Variants in GRIA3 observed in about 807,000 individuals in gnomAD.
GRIA3 encodes glutamate ionotropic receptor AMPA type subunit 3.
Under a neutral mutation model 63.0 loss-of-function variants are expected in GRIA3, and 3 were observed. That is an observed-to-expected ratio of 0.05 (90% CI 0.02 to 0.12). The LOEUF (loss-of-function observed/expected upper bound fraction) is 0.12, where lower values mean the gene tolerates loss of function less well. GRIA3 is among the 10% of genes least tolerant of loss of function. The pLI is 1.00. For synonymous variants in GRIA3, 274 were observed against 257.9 expected (o/e 1.06, Z -0.60); for missense variants, 347 against 700.9 (o/e 0.50, Z 5.70).
intron 2 of GRIA3, among the ~76,000 whole-genome samples, chrX:123,213,019 G>A (rs765152775): frequency 9.0e-6 from 1 of 111,436 alleles, no homozygotes; most frequent in Non-Finnish European, 1.9e-5. Flanking sequence ...TCAGATCAGT[G>A]GTGCCATTAG....
intron 9 of GRIA3, among the ~76,000 whole-genome samples, chrX:123,403,762 C>T (rs1341577887): frequency 6.3e-5 from 7 of 111,263 alleles, no homozygotes; most frequent in Admixed American, 4.8e-4. Context: ...TCTTTCTCCC[C>T]GCCTCCATGC....
chrX:123,391,778 G>C (rs1328987631), intron 5 of GRIA3, among the ~76,000 whole-genome samples: 1 of 112,306 alleles, frequency 8.9e-6, no homozygotes, highest in African/African-American at 3.2e-5. Context: ...TTGTCCTGGT[G>C]ATGATGGTGG....
chrX:123,223,738 A>C (rs1603034102), intron 2 of GRIA3, among the ~76,000 whole-genome samples: 1 of 111,755 alleles, frequency 8.9e-6, no homozygotes, highest in African/African-American at 3.3e-5. Context: ...GGAAGGGAGC[A>C]CAGGGCAGGA....
chrX:123,410,223 G>C (rs2045497727), intron 10 of GRIA3, among the ~76,000 whole-genome samples: 1 of 111,428 alleles, frequency 9.0e-6, no homozygotes, highest in Non-Finnish European at 1.9e-5. Flanking sequence ...AAGAGAGTCA[G>C]GAGAAAGGCT....
At chrX:123,297,604 C>T (rs907938172) in intron 3 of GRIA3, among the ~76,000 whole-genome samples, 11 of 111,980 alleles carry the variant, frequency 9.8e-5, no homozygotes, top group Non-Finnish European at 1.5e-4. Flanking sequence ...TTAATCCTCA[C>T]ATTAATTCGA....
intron 12 of GRIA3, among the ~76,000 whole-genome samples, chrX:123,442,579 A>G (rs994602959): frequency 9.0e-6 from 1 of 111,590 alleles, no homozygotes. Flanking sequence ...CTTATCAGAG[A>G]TGTTGAATAG....
intron 12 of GRIA3, among the ~76,000 whole-genome samples, chrX:123,454,871 A>G (rs1029879300): frequency 8.9e-6 from 1 of 112,067 alleles, no homozygotes; most frequent in African/African-American, 3.2e-5. Flanking sequence ...CAGCAAGAGA[A>G]GCAGAAGATT....
intron 2 of GRIA3, among the ~76,000 whole-genome samples, chrX:123,197,569 A>G (rs1357893901): frequency 1.8e-5 from 2 of 112,423 alleles, no homozygotes; most frequent in Non-Finnish European, 3.8e-5. Flanking sequence ...ACATTCTGTC[A>G]TTAACTCTTG....
In GRIA3 at chrX:123,482,128, A is replaced by C. The variant is rs1312228777; in HGVS notation, c.2440-671A>C. Among the ~76,000 whole-genome samples, 7 of 112,151 alleles carry C rather than the reference A, an allele frequency of 6.2e-5. No individual in the cohort carries two copies. The South Asian group carries it at 2.6e-3, about 42-fold the overall frequency. On this transcript the variant is annotated intron_variant, in intron 14 of 15. Coordinates refer to ENST00000620443, the MANE Select transcript of GRIA3 (RefSeq NM_007325.5). ...GTGCCCTTGTTCCAGCAACACAAAGACTTGCTGCCCTGATTTTAACTAGGA... is the reference window on the plus strand; with the variant it reads ...GTGCCCTTGTTCCAGCAACACAAAGCCTTGCTGCCCTGATTTTAACTAGGA...
At chrX:123,454,178 C>G (rs2045749538) in intron 12 of GRIA3, among the ~76,000 whole-genome samples, 1 of 110,472 alleles carries the variant, frequency 9.1e-6, no homozygotes, top group Admixed American at 9.6e-5. Context: ...CATCCCAACC[C>G]TACCACATGG....
At chrX:123,339,826 G>A (rs189922876) in intron 4 of GRIA3, among the ~76,000 whole-genome samples, 33 of 112,355 alleles carry the variant, frequency 2.9e-4, no homozygotes, top group African/African-American at 8.7e-4. Context: ...ATAAGAATAC[G>A]GGTTATACTG....
At chrX:123,380,490 T>C (rs922653025) in intron 5 of GRIA3, among the ~76,000 whole-genome samples, 7 of 111,474 alleles carry the variant, frequency 6.3e-5, no homozygotes, top group Admixed American at 5.7e-4. Context: ...TTTGATGGGG[T>C]TGTTGGTTTT....
chrX:123,251,024 A>C (rs1464350514), intron 2 of GRIA3, among the ~76,000 whole-genome samples: 1 of 111,865 alleles, frequency 8.9e-6, no homozygotes, highest in East Asian at 2.8e-4. Flanking sequence ...AATAGCTAGA[A>C]CAGTTTTTTT....
chrX:123,374,194 T>G (rs1267664291), intron 5 of GRIA3, among the ~76,000 whole-genome samples: 1 of 111,632 alleles, frequency 9.0e-6, no homozygotes, highest in Non-Finnish European at 1.9e-5. Flanking sequence ...CTGAGGCCTC[T>G]GTTCTGTTCC....
intron 2 of GRIA3, among the ~76,000 whole-genome samples, chrX:123,248,152 A>G (rs1032020644): frequency 3.6e-5 from 4 of 112,630 alleles, no homozygotes; most frequent in Admixed American, 2.8e-4. Flanking sequence ...CAATGCTGAA[A>G]CAGTTATTGT....
intron 8 of GRIA3, 99 bp from the exon 9 acceptor site, chrX:123,403,313 G>A: frequency 1.5e-6 from 1 of 660,985 alleles, no homozygotes; most frequent in Non-Finnish European, 2.5e-6. Flanking sequence ...AATCCTTATA[G>A]AGCTCAAGAA....
At chrX:123,374,256 T>C (rs970468364) in intron 5 of GRIA3, among the ~76,000 whole-genome samples, 15 of 112,020 alleles carry the variant, frequency 1.3e-4, no homozygotes, top group Non-Finnish European at 2.8e-4. Context: ...TTGGTTACTG[T>C]AGCCTTGTAG....
intron 12 of GRIA3, among the ~76,000 whole-genome samples, chrX:123,457,486 C>G (rs1009555794): frequency 1.8e-5 from 2 of 111,486 alleles, no homozygotes; most frequent in African/African-American, 6.5e-5. Flanking sequence ...ATGGTGGCAA[C>G]AGTGTTCAAA....
In GRIA3 at chrX:123,253,459, G is replaced by T. The variant is rs763033824; in HGVS notation, c.425G>T (p.Arg142Leu). The change falls in exon 3 of 16, where the codon CGC becomes CTC. Residue 142 changes from arginine to leucine, a missense_variant. Coordinates refer to ENST00000620443, the MANE Select transcript of GRIA3 (RefSeq NM_007325.5). ...DADVQFVIQM[R>L]PALKGAILSL... ...GATGTGCAGTTTGTCATCCAGATGC[G>T]CCCAGCCTTGAAGGGCGCTATTCTG... 3 of 1,209,260 alleles carry T rather than the reference G, an allele frequency of 2.5e-6. No individual in the cohort carries two copies. Among genetic ancestry groups the T allele is most frequent in the Non-Finnish European group, 3.4e-6 (3 of 893,659 alleles).
Sources: gnomAD v4.1 joint callset for allele counts (sites outside exome capture counted in the v4.1 genomes callset) on GRCh38, gnomAD v4.1.1 for gene constraint, MANE v1.5 for transcripts, NCBI Gene and HGNC (gene_info 2026-07-23, HGNC 2026-07-21) for gene names.